Variants in COQ10B observed in about 807,000 individuals in gnomAD.
COQ10B encodes coenzyme Q10B.
A neutral mutation model predicts 27.6 loss-of-function variants in COQ10B; 12 were observed. The ratio of observed to expected loss-of-function variants is 0.43; its 90% confidence interval spans 0.28 to 0.70. The LOEUF (loss-of-function observed/expected upper bound fraction) is 0.70. Ranked by LOEUF, COQ10B falls within the 30% of genes least tolerant of loss-of-function variation. COQ10B has a pLI of 0.17. For synonymous variants in COQ10B, 115 were observed against 103.0 expected (o/e 1.12, Z -0.71); for missense variants, 278 against 288.7 (o/e 0.96, Z 0.27).
At chr2:197,454,121 C>T (rs1443531688) in intron 1 of COQ10B, 24 of 1,550,730 alleles carry the variant, frequency 1.5e-5, no homozygotes, top group African/African-American at 2.7e-5. Context: ...TGAAAGAGTG[C>T]TTTGCCCTCG....
intron 3 of COQ10B, among the ~76,000 whole-genome samples, chr2:197,464,028 TAC>T (rs1480553546): frequency 1.3e-5 from 1 of 76,076 alleles, no homozygotes; most frequent in Admixed American, 1.8e-4. Flanking sequence ...CACACACACA[TAC>T]ATACACACAC....
chr2:197,473,699 A>C, intron 4 of COQ10B, 58 bp from the exon 5 acceptor site: 2 of 1,235,454 alleles, frequency 1.6e-6, no homozygotes, highest in Non-Finnish European at 1.1e-6. Context: ...GAAAACCAAA[A>C]AAAAAAAAAA....
intron 4 of COQ10B, among the ~76,000 whole-genome samples, chr2:197,473,217 A>G (rs1230831730): frequency 6.6e-6 from 1 of 151,480 alleles, no homozygotes; most frequent in African/African-American, 2.4e-5. Context: ...TACCCAGTTC[A>G]TAGTGTGAAC....
chr2:197,461,608 G>T (rs1436241155), intron 2 of COQ10B, among the ~76,000 whole-genome samples: 1 of 145,358 alleles, frequency 6.9e-6, no homozygotes, highest in Non-Finnish European at 1.5e-5. Context: ...GGAGGGAGAG[G>T]GAGAGGTGTA....
intron 2 of COQ10B, 47 bp from the exon 3 acceptor site, chr2:197,462,492 A>G (rs1349815733): frequency 2.1e-6 from 2 of 954,962 alleles, no homozygotes; most frequent in Admixed American, 2.6e-5. Context: ...CATATATTAT[A>G]TAACTAGATG....
intron 1 of COQ10B, among the ~76,000 whole-genome samples, chr2:197,458,620 T>G (rs531226424): frequency 4.9e-4 from 74 of 152,264 alleles, no homozygotes; most frequent in African/African-American, 1.7e-3. Context: ...TGGCCAGCAA[T>G]GACTAAATGA....
At chr2:197,463,008 T>C (rs1185585539) in intron 3 of COQ10B, among the ~76,000 whole-genome samples, 1 of 152,140 alleles carries the variant, frequency 6.6e-6, no homozygotes, top group African/African-American at 2.4e-5. Context: ...GCCACCCAAG[T>C]GGGAAATGTT....
At chr2:197,469,973 C>A in intron 3 of COQ10B, 97 bp from the exon 4 acceptor site, 2 of 683,586 alleles carry the variant, frequency 2.9e-6, no homozygotes, top group Middle Eastern at 3.1e-4. Context: ...AAAATTATTA[C>A]TTATGAAAGA....
chr2:197,473,391 G>GCC (rs1192361339), intron 4 of COQ10B, among the ~76,000 whole-genome samples: 2 of 80,718 alleles, frequency 2.5e-5, no homozygotes, highest in African/African-American at 5.2e-5. Flanking sequence ...CCTTCTCTAC[G>GCC]CCCCCCCCCA....
At chr2:197,456,763 T>A (rs972189000) in intron 1 of COQ10B, among the ~76,000 whole-genome samples, 1 of 151,362 alleles carries the variant, frequency 6.6e-6, no homozygotes, top group African/African-American at 2.4e-5. Flanking sequence ...AGACTCCATC[T>A]CAAAAAAATA....
chr2:197,462,603 T>G lies in COQ10B; in HGVS notation c.319T>G (p.Trp107Gly). The change falls in exon 3 of 5, where the codon TGG (tryptophan) becomes GGG (glycine). Residue 107 changes from tryptophan to glycine, a missense_variant. Trp to Gly is a radical substitution (Grantham distance 184). Around this residue, in one of 3 missense-constraint regions of COQ10B, gnomAD observed 183 missense variants for 158.2 expected, o/e 1.16. Coordinates refer to ENST00000263960, the MANE Select transcript of COQ10B (RefSeq NM_025147.5). ...GVEDYKHFVP[W>G]CKKSDVISKR... ...GGAGGATTACAAGCATTTTGTTCCT[T>G]GGTGCAAAAAATCAGATGTTATATC... 1 of 1,597,574 alleles carries G rather than the reference T, an allele frequency of 6.3e-7. No individual in the cohort carries two copies. Among genetic ancestry groups the G allele is most frequent in the Non-Finnish European group, 8.6e-7 (1 of 1,168,892 alleles).
At chr2:197,459,733 T>A (rs1471826225) in intron 1 of COQ10B, among the ~76,000 whole-genome samples, 199 bp from the exon 2 acceptor site, 1 of 151,976 alleles carries the variant, frequency 6.6e-6, no homozygotes, top group Non-Finnish European at 1.5e-5. Context: ...CTAACCTAAC[T>A]AAGCTGTTAT....
intron 3 of COQ10B, among the ~76,000 whole-genome samples, chr2:197,468,706 C>G (rs2085850030): frequency 6.9e-6 from 1 of 145,268 alleles, no homozygotes; most frequent in South Asian, 2.2e-4. Flanking sequence ...TGCTGTAATC[C>G]CAGCACTTTG....
At position 197,474,836 on chromosome 2, in the gene COQ10B, G is replaced by A. The variant is rs62281269; in HGVS notation, c.*912G>A. The A allele has an allele frequency of 7.6e-6, 1 of 131,720 alleles. No individual in the cohort carries two copies. Among genetic ancestry groups the A allele is most frequent in the African/African-American group, 3.0e-5 (1 of 33,394 alleles). 8.2% of individuals were successfully genotyped at this position (131,720 alleles called of 1,614,324 possible). ...TTTCTTCTTTTTTTTTTTTTTTTTG[G>A]TGAGTGGTCCAGAGCTTTAAGCTAC... On this transcript the variant is annotated 3_prime_UTR_variant, in exon 5 of 5. Transcript: ENST00000263960.
At chr2:197,467,659 G>A (rs1559294365) in intron 3 of COQ10B, among the ~76,000 whole-genome samples, 1 of 152,226 alleles carries the variant, frequency 6.6e-6, no homozygotes, top group Non-Finnish European at 1.5e-5. Flanking sequence ...TTACAGGCAT[G>A]AGCCACCATG....
chr2:197,463,333 G>A (rs1057210530), intron 3 of COQ10B, among the ~76,000 whole-genome samples: 14 of 151,802 alleles, frequency 9.2e-5, no homozygotes, highest in South Asian at 2.1e-4. Context: ...TTAGCCGGGC[G>A]TAGTGGTGCT....
chr2:197,461,807 A>G (rs1171992886), intron 2 of COQ10B, among the ~76,000 whole-genome samples: 83 of 151,830 alleles, frequency 5.5e-4, no homozygotes, highest in Non-Finnish European at 1.5e-4. Flanking sequence ...CACCTGGCTA[A>G]TTTTTGTATT....
intron 3 of COQ10B, among the ~76,000 whole-genome samples, chr2:197,468,237 G>A (rs1192005384): frequency 2.6e-5 from 4 of 151,766 alleles, no homozygotes; most frequent in Admixed American, 6.6e-5. Context: ...TCAGGAGATC[G>A]AGACCATCCT....
At chr2:197,464,402 T>G (rs931652766) in intron 3 of COQ10B, among the ~76,000 whole-genome samples, 1 of 152,100 alleles carries the variant, frequency 6.6e-6, no homozygotes, top group Non-Finnish European at 1.5e-5. Context: ...TGTTAGGCAT[T>G]GAAGGGGGTG....
Sources: gnomAD v4.1 joint callset for allele counts (sites outside exome capture counted in the v4.1 genomes callset) on GRCh38, gnomAD v4.1.1 for gene constraint, gnomAD v4.1.1 regional missense constraint, MANE v1.5 for transcripts, NCBI Gene and HGNC (gene_info 2026-07-23, HGNC 2026-07-21) for gene names.